PARP8: variants seen among roughly 807,000 people sequenced by gnomAD.
PARP8 encodes the protein poly(ADP-ribose) polymerase family member 8, also known as protein mono-ADP-ribosyltransferase PARP8.
Under a neutral mutation model 124.1 loss-of-function variants are expected in PARP8, and 51 were observed. The ratio of observed to expected loss-of-function variants is 0.41; its 90% CI spans 0.33 to 0.52. The LOEUF is 0.52. PARP8 is among the 20% of genes least tolerant of loss of function. PARP8 has a pLI of 0.21. For synonymous variants in PARP8, 391 were observed against 361.5 expected, an observed-to-expected ratio of 1.08 and a Z score of -0.93; for missense variants, 860 against 1,018.9, an observed-to-expected ratio of 0.84 and a Z score of 2.12.
Position 50,842,651 on chromosome 5 carries a change from G to A in PARP8, c.*583G>A, listed in dbSNP as rs928780941. 1 of 151,688 alleles carries A rather than the reference G, an allele frequency of 6.6e-6. No individual in the cohort carries two copies. The highest frequency in any genetic ancestry group is 2.4e-5 in the African/African-American group (1 of 41,386). 9.4% of individuals were successfully genotyped at this position (151,688 alleles called of 1,614,324 possible). On this transcript the variant is annotated 3_prime_UTR_variant, in exon 26 of 26. Transcript: ENST00000281631. ...CATCTATACATTCATGCATCAAAAT[G>A]TGTGGTTGTGAATATATTTGTGTAT...
At chr5:50,705,662 G>T (rs746250362) in intron 2 of PARP8, among the ~76,000 whole-genome samples, 1 of 152,054 alleles carries the variant, frequency 6.6e-6, no homozygotes, top group East Asian at 1.9e-4. Flanking sequence ...GCGTGCGCCT[G>T]TAATCCCAGC....
At chr5:50,828,106 A>G in intron 20 of PARP8, 50 bp downstream of exon 20, 1 of 1,356,494 alleles carries the variant, frequency 7.4e-7, no homozygotes, top group Non-Finnish European at 1.1e-6. Flanking sequence ...AACATTTTCC[A>G]GAAATGTATG....
At chr5:50,788,082 C>T (rs1741476587) in intron 9 of PARP8, among the ~76,000 whole-genome samples, 1 of 148,764 alleles carries the variant, frequency 6.7e-6, no homozygotes. Flanking sequence ...CTTTCTTCCA[C>T]TTAAAAAATA....
At chr5:50,667,908 G>T (rs1440914805) in intron 1 of PARP8, 163 bp from the exon 2 acceptor site, 1 of 1,499,154 alleles carries the variant, frequency 6.7e-7, no homozygotes, top group Admixed American at 2.3e-5. Context: ...GGGGCGCGCC[G>T]CATCCCCTCG....
intron 2 of PARP8, among the ~76,000 whole-genome samples, chr5:50,688,128 G>A (rs1752077673): frequency 6.6e-6 from 1 of 152,158 alleles, no homozygotes; most frequent in East Asian, 1.9e-4. Context: ...GATTATAGGT[G>A]TGAGCCACTG....
At chr5:50,736,479 C>A (rs1757490621) in intron 2 of PARP8, among the ~76,000 whole-genome samples, 1 of 152,068 alleles carries the variant, frequency 6.6e-6, no homozygotes, top group Non-Finnish European at 1.5e-5. Flanking sequence ...ACAAAGTTAA[C>A]CTAATCAGTT....
At chr5:50,705,731 C>A (rs894570367) in intron 2 of PARP8, among the ~76,000 whole-genome samples, 18 of 152,056 alleles carry the variant, frequency 1.2e-4, no homozygotes, top group Non-Finnish European at 2.2e-4. Context: ...TTGCAGTGAG[C>A]CTGATCAAGC....
chr5:50,741,047 A>G (rs1757992908), intron 2 of PARP8, among the ~76,000 whole-genome samples: 1 of 152,148 alleles, frequency 6.6e-6, no homozygotes, highest in Admixed American at 6.5e-5. Flanking sequence ...CAGATCATTT[A>G]TAGCCTCTTT....
In PARP8 at chr5:50,778,611, C is replaced by A; in HGVS notation, c.631C>A (p.Arg211=). ...AATTCGAACAGAACCTATAATTGTT[C>A]GACTACACTGTTCACTTACACAGTA... ...EVIRTEPIIV[R]LHCSLTQYLN... Residue 211 remains arginine (R), a synonymous_variant, in exon 9 of 26, where the codon CGA becomes AGA. Transcript: ENST00000281631. 4 of 1,607,814 alleles carry A rather than the reference C, an allele frequency of 2.5e-6. No individual in the cohort carries two copies. The highest frequency in any genetic ancestry group is 3.4e-6 in the Non-Finnish European group (4 of 1,177,756).
At chr5:50,811,364 T>G in intron 14 of PARP8, among the ~76,000 whole-genome samples, 1 of 151,932 alleles carries the variant, frequency 6.6e-6, no homozygotes, top group African/African-American at 2.4e-5. Flanking sequence ...TTGTTTGTTA[T>G]TCGTGATAGG....
chr5:50,784,085 A>G (rs1345880159), intron 9 of PARP8, among the ~76,000 whole-genome samples: 1 of 152,184 alleles, frequency 6.6e-6, no homozygotes, highest in East Asian at 1.9e-4. Flanking sequence ...TGTCTTTGGA[A>G]GGTATCAGCA....
intron 2 of PARP8, among the ~76,000 whole-genome samples, chr5:50,742,768 G>A (rs1403004238): frequency 6.6e-6 from 1 of 152,194 alleles, no homozygotes; most frequent in African/African-American, 2.4e-5. Flanking sequence ...GTCCTTTCCA[G>A]CAGCATTCAG....
intron 2 of PARP8, among the ~76,000 whole-genome samples, chr5:50,716,185 A>G (rs11955651): frequency 0.067 from 10,213 of 152,216 alleles, 380 homozygotes; most frequent in Middle Eastern, 0.11. Flanking sequence ...TATTCCTTAC[A>G]TTAGAATACA....
At chr5:50,757,118 G>T (rs1232320008) in intron 3 of PARP8, 1 of 454,096 alleles carries the variant, frequency 2.2e-6, no homozygotes, top group African/African-American at 2.0e-5. Context: ...CCACTTCTTA[G>T]CTATTGTGAA....
chr5:50,726,338 T>TGGA (rs1756428616), intron 2 of PARP8, among the ~76,000 whole-genome samples: 1 of 152,146 alleles, frequency 6.6e-6, no homozygotes, highest in South Asian at 2.1e-4. Context: ...ATCTATCCAA[T>TGGA]GGAGGATGTA....
At chr5:50,786,127 G>A (rs1016082626) in intron 9 of PARP8, among the ~76,000 whole-genome samples, 22 of 151,926 alleles carry the variant, frequency 1.4e-4, no homozygotes, top group African/African-American at 5.3e-4. Flanking sequence ...TGCTTCTTTT[G>A]ACTGTTAATT....
At chr5:50,820,588 A>C (rs540744564) in intron 15 of PARP8, among the ~76,000 whole-genome samples, 2 of 152,330 alleles carry the variant, frequency 1.3e-5, no homozygotes, top group East Asian at 3.9e-4. Context: ...ATAGAGGAGA[A>C]TAGGAAGAGG....
intron 3 of PARP8, among the ~76,000 whole-genome samples, chr5:50,758,338 A>G (rs1211048726): frequency 6.6e-6 from 1 of 152,200 alleles, no homozygotes; most frequent in African/African-American, 2.4e-5. Context: ...CTCAAATTTA[A>G]TTCATATCCA....
At chr5:50,756,072 A>G (rs1259503404) in intron 3 of PARP8, among the ~76,000 whole-genome samples, 4 of 152,158 alleles carry the variant, frequency 2.6e-5, no homozygotes, top group Admixed American at 6.5e-5. Context: ...CAGCTTAGGG[A>G]GATTTTGGGC....
Sources: allele counts gnomAD v4.1 joint callset (sites outside exome capture counted in the v4.1 genomes callset), GRCh38; gene constraint gnomAD v4.1.1; transcripts MANE v1.5; gene names NCBI Gene and HGNC (gene_info 2026-07-23, HGNC 2026-07-21).